Variants in MAX observed in about 807,000 individuals in gnomAD.
MAX encodes MYC associated transcriptional regulator X, also known as protein max.
A neutral mutation model predicts 22.3 loss-of-function variants in MAX; 3 were observed. The observed-to-expected ratio is 0.13, with a 90% CI of 0.06 to 0.35. The LOEUF (loss-of-function observed/expected upper bound fraction) is 0.35. Ranked by LOEUF, MAX falls within the 10% of genes least tolerant of loss-of-function variation. The pLI is 1.00. For missense variants in MAX, 119 were observed against 209.4 expected (o/e 0.57, Z 2.66); for synonymous variants, 72 against 77.7 (o/e 0.93, Z 0.39).
At chr14:65,071,716 G>A (rs1009062113), downstream of MAX, among the ~76,000 whole-genome samples, 10 of 152,140 alleles carry the variant, frequency 6.6e-5, no homozygotes, top group Admixed American at 3.9e-4. This position sits in a 1 kb window ranked among gnomAD's most constrained non-coding sequence, Gnocchi z 4.2. Context: ...AGCCCTACCC[G>A]CTCTGGCAGT....
chr14:65,089,679 G>A (rs1413969538), intron 3 of MAX, among the ~76,000 whole-genome samples: 1 of 142,994 alleles, frequency 7.0e-6, no homozygotes, highest in South Asian at 2.3e-4. Context: ...CTTAGTGCCA[G>A]TGAACCATTG....
In MAX at chr14:65,102,387, A is replaced by G. The variant is rs749486746; in HGVS notation, c.-48T>C. On this transcript the variant is annotated 5_prime_UTR_variant, in exon 1 of 5. Coordinates refer to ENST00000358664, the MANE Select transcript of MAX (RefSeq NM_002382.5). ...CACTGCAGCGGCGGCGGGGAGGGGA[A>G]GGGGTGAAGGGGAGGGGGAAGTCAC... 1.3e-6 allele frequency: 2 copies of G among 1,598,268 alleles called. No homozygotes were observed. Among genetic ancestry groups the G allele is most frequent in the African/African-American group, 2.7e-5 (2 of 74,426 alleles).
chr14:65,085,252 A>G (rs568648024), intron 3 of MAX, among the ~76,000 whole-genome samples: 1 of 152,346 alleles, frequency 6.6e-6, no homozygotes, highest in Admixed American at 6.5e-5. Flanking sequence ...TATTTAAGTT[A>G]TATTTAAAAT....
intron 3 of MAX, among the ~76,000 whole-genome samples, chr14:65,040,604 CTTTTTTTT>C (rs35890649): frequency 8.5e-6 from 1 of 117,326 alleles, no homozygotes; most frequent in South Asian, 2.7e-4. Context: ...CCAGGCCCAG[CTTTTTTTT>C]TTTTTTTTTT....
intron 1 of MAX, 102 bp downstream of exon 1, chr14:65,102,202 G>A: frequency 1.9e-6 from 3 of 1,564,782 alleles, no homozygotes; most frequent in Middle Eastern, 1.9e-4. Context: ...GGGGAAGGAG[G>A]CGGCGGCAGC....
In MAX at chr14:65,037,412, T is replaced by C. The variant is rs2062222948; in HGVS notation, c.172-31128A>G. On this transcript the variant is annotated intron_variant, in intron 3 of 3. Transcript: ENST00000341653. ...GCCACCACGCCGGGCCCTTTTTTTT[T>C]TTTTTTTTTTTTTTTTTTTTTTTTT... is the stretch of plus-strand genomic sequence containing the variant. Among the ~76,000 whole-genome samples the C allele has an allele frequency of 2.4e-4, 21 of 86,886 alleles. 1 individual carries two copies. The highest frequency in any genetic ancestry group is 5.4e-4 in the Admixed American group (4 of 7,454). The allele number at this position is 86,886 out of a possible 152,430, so 57.0% of individuals were successfully genotyped here.
In MAX at chr14:65,093,884, A is replaced by T. The variant is rs2139889370; in HGVS notation, c.64-69T>A. 4 of 920,452 alleles carry T rather than the reference A, an allele frequency of 4.3e-6. No homozygotes were observed. In the South Asian group the frequency reaches 5.2e-5, roughly 12 times the overall value. The allele number at this position is 920,452 out of a possible 1,614,324, so 57.0% of individuals were successfully genotyped here. A position where few individuals can be genotyped will look rare whatever the true frequency, so the allele number is the denominator to read the frequency against. ...TTGCTTGGTACAAGGTGGGTGGGGT[A>T]CAGCCTGGAAGTACACGCTGTCAGC... On this transcript the variant is annotated intron_variant, in intron 2 of 4. Transcript: ENST00000358664. The surrounding 1 kb of genome is among the most constrained non-coding windows in gnomAD (Gnocchi z 4.4).
chr14:65,044,474 G>A lies in MAX; in HGVS notation c.172-38190C>T, dbSNP rs763139733. On this transcript the variant is annotated intron_variant, in intron 3 of 3. Coordinates refer to the MAX transcript ENST00000341653. The surrounding 1 kb of genome is among the most constrained non-coding windows in gnomAD (Gnocchi z 5.5). ...CCTGGGGAGCTGTTCACTTGGGGCTGGATGATTTCCCTCCACTACTCACAA... is the reference window on the plus strand; with the variant it reads ...CCTGGGGAGCTGTTCACTTGGGGCTAGATGATTTCCCTCCACTACTCACAA... 15 of 1,578,838 alleles carry A rather than the reference G, an allele frequency of 9.5e-6. No homozygotes were observed. In the South Asian group the frequency reaches 1.2e-4, roughly 12 times the overall value.
At chr14:65,015,215 G>T (rs1187056612) in intron 3 of MAX, among the ~76,000 whole-genome samples, 2 of 151,040 alleles carry the variant, frequency 1.3e-5, no homozygotes, top group African/African-American at 2.4e-5. Context: ...TGATTCTCCT[G>T]CTTCGGCCTC....
rs541332103 is a variant in MAX at position 65,032,840 on chromosome 14, T to A, written c.172-26556A>T. On this transcript the variant is annotated intron_variant, in intron 3 of 3. Transcript: ENST00000341653. The surrounding 1 kb of genome is among the most constrained non-coding windows in gnomAD (Gnocchi z 5.0). ...CATTAGGGTTATCTAATGATTTTTT[T>A]AAATACTTAAAATGTCTTCTTTTTT... 11 of 648,120 alleles carry A rather than the reference T, an allele frequency of 1.7e-5. No homozygotes were observed. The highest frequency in any genetic ancestry group is 1.4e-4 in the South Asian group (4 of 29,566). The allele number at this position is 648,120 out of a possible 1,614,324, so 40.1% of individuals were successfully genotyped here. A position where few individuals can be genotyped will look rare whatever the true frequency, so the allele number is the denominator to read the frequency against.
Position 65,015,846 on chromosome 14 carries a change from C to T in MAX, c.172-9562G>A. 1.3e-5 allele frequency: 13 copies of T among 1,035,214 alleles called. No homozygotes were observed. In the South Asian group the frequency reaches 1.7e-4, roughly 14 times the overall value. 64.1% of individuals were successfully genotyped at this position (1,035,214 alleles called of 1,614,324 possible). ...GCCACAAAGAAATCTTTGCTCTTCT[C>T]ATGACCTCCGGCAACTTCCTGAAAC... is the stretch of plus-strand genomic sequence containing the variant. On this transcript the variant is annotated intron_variant, in intron 3 of 3. Transcript: ENST00000341653.
intron 3 of MAX, among the ~76,000 whole-genome samples, chr14:65,034,393 C>T (rs913873302): frequency 1.3e-5 from 2 of 152,350 alleles, no homozygotes; most frequent in East Asian, 1.9e-4. Flanking sequence ...CTGGGAGATA[C>T]ATTTTTAATA....
downstream of MAX, among the ~76,000 whole-genome samples, chr14:65,072,306 C>T (rs2062996014): frequency 6.6e-6 from 1 of 152,122 alleles, no homozygotes; most frequent in South Asian, 2.1e-4. Flanking sequence ...TGTAGGCAGC[C>T]CTCAGCTTTC....
chr14:65,072,320 C>T (rs898492296), downstream of MAX, among the ~76,000 whole-genome samples: 5 of 152,276 alleles, frequency 3.3e-5, no homozygotes, highest in African/African-American at 1.2e-4. Flanking sequence ...AGCTTTCTTC[C>T]TTCTCAAGTT....
At chr14:65,066,820 C>T (rs1225192942) in intron 3 of MAX, among the ~76,000 whole-genome samples, 2 of 148,966 alleles carry the variant, frequency 1.3e-5, no homozygotes, top group Non-Finnish European at 3.0e-5. Context: ...TGAGATTGCA[C>T]CCTTGCACTC....
chr14:65,091,717 A>G (rs1473831599), intron 3 of MAX: 1 of 152,294 alleles, frequency 6.6e-6, no homozygotes, highest in African/African-American at 2.4e-5. Context: ...TCACCTTGCC[A>G]GCAACACTCT....
intron 3 of MAX, among the ~76,000 whole-genome samples, chr14:65,033,276 T>A (rs1347474572): frequency 1.3e-5 from 2 of 152,234 alleles, no homozygotes; most frequent in Non-Finnish European, 2.9e-5. Flanking sequence ...CACATTTACT[T>A]AAAATTTGAA....
Position 65,012,247 on chromosome 14 carries a change from C to T in MAX, c.172-5963G>A, listed in dbSNP as rs556350594. 2.2e-4 allele frequency: 344 copies of T among 1,579,900 alleles called. 6 individuals are homozygous for T. The South Asian group carries it at 3.1e-3, about 14-fold the overall frequency. ...CTGAGTGTTTACCCGTGTGTGTGTA[C>T]GTGCACATACGTGTGTATGGTGGAA... On this transcript the variant is annotated intron_variant, in intron 3 of 3. Transcript: ENST00000341653. This position sits in a 1 kb window ranked among gnomAD's most constrained non-coding sequence, Gnocchi z 5.0.
intron 3 of MAX, chr14:65,083,994 C>A: frequency 6.8e-7 from 1 of 1,478,848 alleles, no homozygotes; most frequent in Admixed American, 2.4e-5. Flanking sequence ...GCAAAGGAGG[C>A]TGGAAGGTTG....
Sources: allele counts gnomAD v4.1 joint callset (sites outside exome capture counted in the v4.1 genomes callset), GRCh38; gene constraint gnomAD v4.1.1; non-coding constraint Gnocchi (gnomAD v3.1); transcripts MANE v1.5; gene names NCBI Gene and HGNC (gene_info 2026-07-23, HGNC 2026-07-21).